The following SNPH variants were observed in gnomAD, a reference collection of about 807,000 sequenced individuals.
SNPH encodes syntaphilin.
A neutral mutation model predicts 36.8 loss-of-function variants in SNPH; 10 were observed. That is an observed-to-expected ratio of 0.27 (90% CI 0.17 to 0.46). The LOEUF is 0.46. Among genes scored for constraint, SNPH ranks in the 20% least tolerant of loss-of-function variants. SNPH has a pLI of 1.00. For synonymous variants in SNPH, 281 were observed against 312.2 expected, an observed-to-expected ratio of 0.90 and a Z score of 1.05; for missense variants, 622 against 744.0, an observed-to-expected ratio of 0.84 and a Z score of 1.91.
chr20:1,296,478 G>T, intron 4 of SNPH, 57 bp downstream of exon 4: 1 of 1,468,012 alleles, frequency 6.8e-7, no homozygotes, highest in Non-Finnish European at 9.2e-7. Context: ...AGGGCGCACG[G>T]GCCTCTCTCT....
At chr20:1,280,716 C>T (rs1187242223) in intron 2 of SNPH, among the ~76,000 whole-genome samples, 1 of 152,216 alleles carries the variant, frequency 6.6e-6, no homozygotes, top group East Asian at 1.9e-4. Flanking sequence ...GAGGATGGAG[C>T]TCCCTCAGGG....
chr20:1,293,937 G>A (rs1456192537), intron 2 of SNPH, among the ~76,000 whole-genome samples: 2 of 152,200 alleles, frequency 1.3e-5, no homozygotes, highest in African/African-American at 4.8e-5. Flanking sequence ...TCCCAGGACT[G>A]GGCCTAGCAC....
intron 5 of SNPH, among the ~76,000 whole-genome samples, chr20:1,300,113 T>G (rs2088486692): frequency 6.6e-6 from 1 of 152,168 alleles, no homozygotes; most frequent in Admixed American, 6.5e-5. Context: ...TTCTCCAGGT[T>G]GGAAGACGAG....
At chr20:1,302,628 G>T (rs1032736870) in intron 6 of SNPH, among the ~76,000 whole-genome samples, 1 of 151,924 alleles carries the variant, frequency 6.6e-6, no homozygotes, top group Non-Finnish European at 1.5e-5. Context: ...AGCAATCACC[G>T]CCAGTTTCTC....
At chr20:1,269,380 A>C (rs1381752735) in intron 2 of SNPH, among the ~76,000 whole-genome samples, 2 of 152,230 alleles carry the variant, frequency 1.3e-5, no homozygotes, top group Non-Finnish European at 2.9e-5. Context: ...TAATCCTTAA[A>C]GAAAATTATG....
intron 5 of SNPH, among the ~76,000 whole-genome samples, chr20:1,300,295 A>G (rs2088489208): frequency 6.6e-6 from 1 of 152,134 alleles, no homozygotes; most frequent in South Asian, 2.1e-4. Context: ...GTTTACACAT[A>G]TGCTCTGGGA....
intron 2 of SNPH, among the ~76,000 whole-genome samples, chr20:1,292,371 T>G (rs2088373175): frequency 6.6e-6 from 1 of 152,208 alleles, no homozygotes; most frequent in Admixed American, 6.5e-5. Context: ...GAGAGCCAGT[T>G]GGAAAGGTTG....
At chr20:1,298,198 G>C (rs186594477) in intron 5 of SNPH, among the ~76,000 whole-genome samples, 1 of 152,318 alleles carries the variant, frequency 6.6e-6, no homozygotes, top group Non-Finnish European at 1.5e-5. Flanking sequence ...TCTTTAAAGT[G>C]GAGCTAATAA....
Position 1,279,618 on chromosome 20 carries a change from CT to C in SNPH, c.-493+12877del, listed in dbSNP as rs1162325274. Among the ~76,000 whole-genome samples, 439 of 123,062 alleles carry C rather than the reference CT, an allele frequency of 3.6e-3. 1 individual carries two copies. Among genetic ancestry groups the C allele is most frequent in the East Asian group, 0.017 (74 of 4,476 alleles). 80.7% of individuals were successfully genotyped at this position (123,062 alleles called of 152,430 possible). ...CTGGTTTCCTGAGAGACTCCGGCTT[CT>C]TTTTTTTTTTTTTTTTTTGAGACAG... On this transcript the variant is annotated intron_variant, in intron 2 of 6. Coordinates refer to ENST00000381867, the MANE Select transcript of SNPH (RefSeq NM_001318234.2).
At chr20:1,277,404 T>C (rs1174312605) in intron 2 of SNPH, among the ~76,000 whole-genome samples, 1 of 151,884 alleles carries the variant, frequency 6.6e-6, no homozygotes, top group Admixed American at 6.6e-5. Flanking sequence ...TCTATGTGTG[T>C]GTATGTCTGT....
rs188954879 is a variant in SNPH, at chr20:1,280,125, C to T, written c.-493+13365C>T. ...CGGTGCCCACAGCTTTTCTGCGTTG[C>T]TCTGAGCTGTGTGGAGCCTGGACGA... On this transcript the variant is annotated intron_variant, in intron 2 of 6. Coordinates refer to ENST00000381867, the MANE Select transcript of SNPH (RefSeq NM_001318234.2). 1.2e-4 allele frequency among the ~76,000 whole-genome samples: 19 copies of T among 152,334 alleles called. No individual in the cohort carries two copies. In the East Asian group the frequency reaches 1.9e-3, roughly 16 times the overall value.
rs1250910753 is a variant in SNPH, at chr20:1,305,541, C to G, written c.1104C>G (p.Asp368Glu). ...IQTDFVQYQP[D>E]LDTILEKVTQ... Reference sequence around the variant, plus strand: ...CAGACTTCGTGCAGTACCAGCCTGACCTTGACACCATCCTGGAGAAAGTGA... The same window carrying G: ...CAGACTTCGTGCAGTACCAGCCTGAGCTTGACACCATCCTGGAGAAAGTGA... The change falls in exon 7 of 7, where the codon GAC becomes GAG. Residue 368 changes from aspartate to glutamate, a missense_variant. Around this residue, in one of 3 missense-constraint regions of SNPH, gnomAD observed 379 missense variants for 427.9 expected, o/e 0.89. Transcript: ENST00000381867. 1 of 1,613,182 alleles carries G rather than the reference C, an allele frequency of 6.2e-7. No homozygotes were observed. Among genetic ancestry groups the G allele is most frequent in the African/African-American group, 1.3e-5 (1 of 74,942 alleles).
At position 1,295,995 on chromosome 20, in the gene SNPH, C is replaced by A; in HGVS notation, c.-245C>A. ...GAGTAGAAGACTCGGTGCCGGCAGT[C>A]AGGAGGCCCTGCTCCTGAAGCCTCT... On this transcript the variant is annotated 5_prime_UTR_variant, in exon 4 of 7. Transcript: ENST00000381867. 2.2e-6 allele frequency: 1 copy of A among 464,314 alleles called. No individual in the cohort carries two copies. The highest frequency in any genetic ancestry group is 3.7e-6 in the Non-Finnish European group (1 of 267,714). The allele number at this position is 464,314 out of a possible 1,614,324, so 28.8% of individuals were successfully genotyped here. A position where few individuals can be genotyped will look rare whatever the true frequency, so the allele number is the denominator to read the frequency against.
chr20:1,286,311 T>A (rs938052999), intron 2 of SNPH, among the ~76,000 whole-genome samples: 11 of 152,082 alleles, frequency 7.2e-5, no homozygotes, highest in African/African-American at 2.7e-4. Context: ...AGGCCCTGGA[T>A]CTTATTGAAG....
At chr20:1,288,625 T>C (rs1195895481) in intron 2 of SNPH, among the ~76,000 whole-genome samples, 46 of 149,244 alleles carry the variant, frequency 3.1e-4, no homozygotes, top group Non-Finnish European at 3.7e-4. Context: ...TTTTCTTTTT[T>C]TCTTTTTTTT....
At chr20:1,270,261 A>C (rs960615323) in intron 2 of SNPH, among the ~76,000 whole-genome samples, 2 of 152,158 alleles carry the variant, frequency 1.3e-5, no homozygotes, top group African/African-American at 4.8e-5. Flanking sequence ...TGTGAGTCCT[A>C]GTTTCAAGAA....
Position 1,306,226 on chromosome 20 carries a change from A to G in SNPH, c.*172A>G, listed in dbSNP as rs1411686749. 3.6e-6 allele frequency: 2 copies of G among 555,496 alleles called. No homozygotes were observed. Among genetic ancestry groups the G allele is most frequent in the South Asian group, 5.1e-5 (1 of 19,648 alleles). 34.4% of individuals were successfully genotyped at this position (555,496 alleles called of 1,614,324 possible). A position where few individuals can be genotyped will look rare whatever the true frequency, so the allele number is the denominator to read the frequency against. On this transcript the variant is annotated 3_prime_UTR_variant, in exon 7 of 7. Transcript: ENST00000381867. ...CGTGGAAGGAGCAGGGGTTGGAGAAAGGCATCCCAAAGCTTCGATGGAGAG... is the reference window on the plus strand; with the variant it reads ...CGTGGAAGGAGCAGGGGTTGGAGAAGGGCATCCCAAAGCTTCGATGGAGAG...
chr20:1,303,341 A>G (rs8125418), intron 6 of SNPH, among the ~76,000 whole-genome samples: 55 of 152,328 alleles, frequency 3.6e-4, no homozygotes, highest in African/African-American at 1.2e-3. Context: ...GCTCGAAGCC[A>G]TGGCTCCCTG....
intron 2 of SNPH, among the ~76,000 whole-genome samples, chr20:1,280,691 G>C (rs2088206747): frequency 1.3e-5 from 2 of 152,164 alleles, no homozygotes; most frequent in South Asian, 4.1e-4. Context: ...ACCAGGCTTT[G>C]TCCCAAGAGA....
Sources: allele counts gnomAD v4.1 joint callset (sites outside exome capture counted in the v4.1 genomes callset), GRCh38; gene constraint gnomAD v4.1.1; regional missense constraint gnomAD v4.1.1; transcripts MANE v1.5; gene names NCBI Gene and HGNC (gene_info 2026-07-23, HGNC 2026-07-21).